Variants in ALOX5 observed in about 807,000 individuals in gnomAD.
ALOX5 encodes the protein polyunsaturated fatty acid 5-lipoxygenase.
ALOX5 carries 64 observed loss-of-function variants against 87.9 expected under a neutral mutation model. That is an observed-to-expected ratio of 0.73 (90% CI 0.60 to 0.90). ALOX5 has a LOEUF of 0.90. Ranked by LOEUF, ALOX5 falls within the 40% of genes least tolerant of loss-of-function variation. The probability of loss-of-function intolerance (pLI) is 0.00; values close to 1 mark genes in which losing one functional copy is unlikely to be tolerated. For synonymous variants in ALOX5, 388 were observed against 355.1 expected (o/e 1.09, Z -1.04); for missense variants, 822 against 907.5 (o/e 0.91, Z 1.21).
Position 45,389,872 on chromosome 10 carries a change from T to A in ALOX5, c.350-5983T>A, listed in dbSNP as rs193301094. 3.8e-3 allele frequency among the ~76,000 whole-genome samples: 578 copies of A among 152,348 alleles called. 3 individuals are homozygous for A. The highest frequency in any genetic ancestry group is 0.024 in the Middle Eastern group (7 of 294). On this transcript the variant is annotated intron_variant, in intron 2 of 13. Transcript: ENST00000374391. ...TAACCATAAATGTAAATGGGCTAAATGCTCCAATTAAAAGACACAGACTGG... is the reference window on the plus strand; with the variant it reads ...TAACCATAAATGTAAATGGGCTAAAAGCTCCAATTAAAAGACACAGACTGG...
chr10:45,404,022 T>C (rs1840790688), intron 3 of ALOX5, among the ~76,000 whole-genome samples: 1 of 152,232 alleles, frequency 6.6e-6, no homozygotes, highest in Non-Finnish European at 1.5e-5. Context: ...TATGAATTAG[T>C]GGGGCTCTAA....
chr10:45,432,358 T>G (rs1841932352), intron 7 of ALOX5, among the ~76,000 whole-genome samples: 1 of 147,348 alleles, frequency 6.8e-6, no homozygotes, highest in South Asian at 2.1e-4. Context: ...AGACCCTATC[T>G]TTAAAAAAAA....
At chr10:45,443,895 G>T (rs949085127) in intron 12 of ALOX5, 67 bp downstream of exon 12, 2 of 1,514,996 alleles carry the variant, frequency 1.3e-6, no homozygotes, top group Non-Finnish European at 1.8e-6. Flanking sequence ...CCCCGCCCCG[G>T]TTCTGCACGC....
At chr10:45,435,110 G>A (rs1456423480) in intron 7 of ALOX5, among the ~76,000 whole-genome samples, 3 of 152,186 alleles carry the variant, frequency 2.0e-5, no homozygotes, top group Non-Finnish European at 2.9e-5. Context: ...GTTGGGGAAG[G>A]CCCAGCTCAG....
intron 3 of ALOX5, among the ~76,000 whole-genome samples, chr10:45,400,616 G>A (rs1840665225): frequency 6.6e-6 from 1 of 152,072 alleles, no homozygotes; most frequent in Admixed American, 6.6e-5. Flanking sequence ...GAAAAGAAAA[G>A]AAAAGAAATG....
At chr10:45,417,628 C>T (rs912178806) in intron 4 of ALOX5, among the ~76,000 whole-genome samples, 9 of 152,116 alleles carry the variant, frequency 5.9e-5, no homozygotes, top group African/African-American at 1.2e-4. Context: ...GTTGGAGGCT[C>T]GCTCTAAAAA....
rs180938522 is a variant in ALOX5, at chr10:45,429,629, G to C, written c.981+865G>C. Among the ~76,000 whole-genome samples the C allele has an allele frequency of 8.3e-4, 127 of 152,304 alleles. No individual in the cohort carries two copies. The Middle Eastern group carries it at 0.01, about 12-fold the overall frequency. On this transcript the variant is annotated intron_variant, in intron 7 of 13. Coordinates refer to ENST00000374391, the MANE Select transcript of ALOX5 (RefSeq NM_000698.5). ...AACCTTCTTTGAAGCAATAGGTGAG[G>C]TTATTTAGAGGCTTTTTCCATTCAA...
intron 2 of ALOX5, among the ~76,000 whole-genome samples, chr10:45,385,913 C>T (rs1021912849): frequency 6.6e-6 from 1 of 152,144 alleles, no homozygotes; most frequent in Non-Finnish European, 1.5e-5. Context: ...GCGTCCAGGT[C>T]TGCAATTAGA....
intron 3 of ALOX5, among the ~76,000 whole-genome samples, chr10:45,410,749 C>T (rs1251505179): frequency 6.6e-6 from 1 of 152,080 alleles, no homozygotes; most frequent in Admixed American, 6.5e-5. Context: ...TTTAAACAAA[C>T]ACAAAATCAT....
intron 4 of ALOX5, among the ~76,000 whole-genome samples, chr10:45,417,753 A>G (rs1004885541): frequency 2.6e-5 from 4 of 152,176 alleles, no homozygotes; most frequent in African/African-American, 9.7e-5. Context: ...CAGGTCCTAC[A>G]TGCATAGGAT....
At chr10:45,418,316 CGTCT>C (rs1841370355) in intron 4 of ALOX5, among the ~76,000 whole-genome samples, 1 of 152,072 alleles carries the variant, frequency 6.6e-6, no homozygotes, top group Admixed American at 6.5e-5. Context: ...CTAGGAAAGT[CGTCT>C]AAGTTCCCTG....
Position 45,391,245 on chromosome 10 carries a change from G to A in ALOX5, c.350-4610G>A, listed in dbSNP as rs558865773. On this transcript the variant is annotated intron_variant, in intron 2 of 13. Transcript: ENST00000374391. ...GTGCCTGCGATTGCAGGTGCGCACC[G>A]CCACGCCTGACTGTTTTTCATATTT... 3.6e-4 allele frequency among the ~76,000 whole-genome samples: 54 copies of A among 151,962 alleles called. 1 individual carries two copies. The highest frequency in any genetic ancestry group is 1.0e-3 in the African/African-American group (42 of 41,462).
At chr10:45,436,580 TG>T (rs1033733307) in intron 7 of ALOX5, among the ~76,000 whole-genome samples, 1 of 152,224 alleles carries the variant, frequency 6.6e-6, no homozygotes, top group African/African-American at 2.4e-5. Context: ...GCTTTATTTC[TG>T]GGTTCTCTGT....
chr10:45,404,497 G>A (rs940648775), intron 3 of ALOX5, among the ~76,000 whole-genome samples: 3 of 152,170 alleles, frequency 2.0e-5, no homozygotes, highest in Non-Finnish European at 2.9e-5. Context: ...AGCAGTAAAT[G>A]GCAAAGTGTA....
intron 1 of ALOX5, among the ~76,000 whole-genome samples, chr10:45,374,695 C>T (rs1280691388): frequency 6.6e-6 from 1 of 152,204 alleles, no homozygotes; most frequent in Non-Finnish European, 1.5e-5. Flanking sequence ...TTCCCGCGTG[C>T]CGCCTGCAAG....
At chr10:45,404,495 A>G (rs907784297) in intron 3 of ALOX5, among the ~76,000 whole-genome samples, 1 of 152,246 alleles carries the variant, frequency 6.6e-6, no homozygotes, top group African/African-American at 2.4e-5. Flanking sequence ...ACAGCAGTAA[A>G]TGGCAAAGTG....
intron 6 of ALOX5, 80 bp from the exon 7 acceptor site, chr10:45,428,538 A>G: frequency 1.3e-6 from 2 of 1,551,294 alleles, no homozygotes; most frequent in East Asian, 4.5e-5. Context: ...GGGTGCCCAG[A>G]GGTCATCACT....
At chr10:45,399,441 C>T (rs995926174) in intron 3 of ALOX5, among the ~76,000 whole-genome samples, 7 of 152,130 alleles carry the variant, frequency 4.6e-5, no homozygotes. Flanking sequence ...ATAAATTTTA[C>T]AGTATGTGCA....
chr10:45,390,405 A>C (rs1436733275), intron 2 of ALOX5, among the ~76,000 whole-genome samples: 2 of 152,262 alleles, frequency 1.3e-5, no homozygotes, highest in African/African-American at 4.8e-5. Flanking sequence ...TCAGCACTGC[A>C]TCACACCTAT....
Sources: gnomAD v4.1 joint callset for allele counts (sites outside exome capture counted in the v4.1 genomes callset) on GRCh38, gnomAD v4.1.1 for gene constraint, MANE v1.5 for transcripts, NCBI Gene and HGNC (gene_info 2026-07-23, HGNC 2026-07-21) for gene names.